Variants in ZBTB44 observed in about 807,000 individuals in gnomAD.
ZBTB44 encodes zinc finger and BTB domain containing 44.
Under a neutral mutation model 54.0 loss-of-function variants are expected in ZBTB44, and 15 were observed. The observed-to-expected ratio is 0.28, with a 90% confidence interval of 0.19 to 0.43. The LOEUF is 0.43. Among genes scored for constraint, ZBTB44 ranks in the 20% least tolerant of loss-of-function variants. The pLI is 1.00. For synonymous variants in ZBTB44, 230 were observed against 250.1 expected (o/e 0.92, Z 0.76); for missense variants, 487 against 707.1 (o/e 0.69, Z 3.53).
intron 2 of ZBTB44, among the ~76,000 whole-genome samples, chr11:130,256,281 G>C (rs1385632587): frequency 6.6e-6 from 1 of 152,192 alleles, no homozygotes; most frequent in African/African-American, 2.4e-5. Flanking sequence ...ACGCAAGGCT[G>C]GTTCAACACA....
chr11:130,236,561 T>A (rs997982445), intron 5 of ZBTB44: 1 of 403,800 alleles, frequency 2.5e-6, no homozygotes, highest in Non-Finnish European at 4.2e-6. Context: ...AGTCTACTTC[T>A]GCAGGAAAAT....
At chr11:130,283,035 CTTTTTTTTTTTTT>C (rs531030883) in intron 1 of ZBTB44, among the ~76,000 whole-genome samples, 1 of 102,384 alleles carries the variant, frequency 9.8e-6, no homozygotes, top group East Asian at 2.9e-4. Context: ...CCATTCTAAC[CTTTTTTTTTTTTT>C]TTTTTTTTTT....
chr11:130,254,107 TAAA>T (rs920876489), intron 2 of ZBTB44, among the ~76,000 whole-genome samples: 130 of 152,240 alleles, frequency 8.5e-4, no homozygotes, highest in African/African-American at 2.7e-3. Context: ...CCTAAAACCA[TAAA>T]AACCCTAGAA....
intron 1 of ZBTB44, among the ~76,000 whole-genome samples, chr11:130,283,306 A>G (rs1443780509): frequency 6.6e-6 from 1 of 152,008 alleles, no homozygotes; most frequent in East Asian, 1.9e-4. Context: ...TCGGCCTCCC[A>G]AAGTGCTGGG....
rs375863333 is a variant in ZBTB44 at position 130,236,990 on chromosome 11, G to A, written c.1371C>T (p.Cys457=). The change falls in exon 5 of 8, where the codon TGC becomes TGT. Residue 457 remains cysteine (C), a synonymous_variant. Coordinates refer to ENST00000357899, the MANE Select transcript of ZBTB44 (RefSeq NM_001301098.2). The part of the protein sequence containing the change: ...LKHEGKRCFR[C]QICSATFTSF... ...AAGTGAAAGTGGCACTACATATCTG[G>A]CACCGGAAACAGCGTTTACCTTCAT... is the stretch of plus-strand genomic sequence containing the variant. 2 of 1,612,392 alleles carry A rather than the reference G, an allele frequency of 1.2e-6. No individual in the cohort carries two copies. The highest frequency in any genetic ancestry group is 1.7e-6 in the Non-Finnish European group (2 of 1,179,236).
At chr11:130,238,786 G>C in intron 3 of ZBTB44, 179 bp from the exon 4 acceptor site, 1 of 677,512 alleles carries the variant, frequency 1.5e-6, no homozygotes, top group Non-Finnish European at 2.2e-6. Flanking sequence ...TGTCCAGAAT[G>C]CCTTTTGTTT....
At chr11:130,262,015 A>G (rs1283617878) in intron 1 of ZBTB44, 86 bp from the exon 2 acceptor site, 2 of 1,020,818 alleles carry the variant, frequency 2.0e-6, no homozygotes, top group Middle Eastern at 3.2e-4. Flanking sequence ...CCACTGTACT[A>G]AATTAAAAAG....
chr11:130,253,987 A>G (rs1938231976), intron 2 of ZBTB44, among the ~76,000 whole-genome samples: 1 of 152,246 alleles, frequency 6.6e-6, no homozygotes, highest in South Asian at 2.1e-4. Context: ...CTATTTAATA[A>G]ATGGTGCTGG....
At chr11:130,301,311 G>C (rs1160039055) in intron 1 of ZBTB44, among the ~76,000 whole-genome samples, 1 of 152,148 alleles carries the variant, frequency 6.6e-6, no homozygotes, top group Admixed American at 6.5e-5. Context: ...GCAGACTCCT[G>C]AGAGAAAAGA....
intron 1 of ZBTB44, among the ~76,000 whole-genome samples, chr11:130,312,151 A>C (rs1178578631): frequency 6.6e-6 from 1 of 152,222 alleles, no homozygotes; most frequent in Non-Finnish European, 1.5e-5. Context: ...TTAATGAAGG[A>C]AATCTCTTCC....
At chr11:130,305,058 G>A (rs1422694852) in intron 1 of ZBTB44, among the ~76,000 whole-genome samples, 1 of 152,140 alleles carries the variant, frequency 6.6e-6, no homozygotes, top group Non-Finnish European at 1.5e-5. Context: ...CCAAGGAGGT[G>A]AAAGATCTCT....
chr11:130,267,703 ACT>A (rs949169329), intron 1 of ZBTB44, among the ~76,000 whole-genome samples: 1 of 152,058 alleles, frequency 6.6e-6, no homozygotes, highest in African/African-American at 2.4e-5. Flanking sequence ...CTAGCAATCA[ACT>A]CTGATTTTGA....
At chr11:130,258,944 A>G (rs1414720370) in intron 2 of ZBTB44, among the ~76,000 whole-genome samples, 2 of 152,212 alleles carry the variant, frequency 1.3e-5, no homozygotes, top group African/African-American at 4.8e-5. Flanking sequence ...CCAGTAACAG[A>G]GAGCCAAATC....
At chr11:130,281,102 AAC>A (rs1297188796) in intron 1 of ZBTB44, among the ~76,000 whole-genome samples, 1 of 152,218 alleles carries the variant, frequency 6.6e-6, no homozygotes, top group Admixed American at 6.5e-5. Context: ...ACAAAAATGA[AAC>A]ACATCTACAT....
chr11:130,309,850 C>T (rs968978263), intron 1 of ZBTB44, among the ~76,000 whole-genome samples: 2 of 147,196 alleles, frequency 1.4e-5, no homozygotes, highest in African/African-American at 5.1e-5. Flanking sequence ...GAGCTGAGAT[C>T]GAGCCACTGC....
chr11:130,308,085 T>C (rs1942378292), intron 1 of ZBTB44, among the ~76,000 whole-genome samples: 1 of 152,206 alleles, frequency 6.6e-6, no homozygotes, highest in Non-Finnish European at 1.5e-5. Context: ...GATATACATA[T>C]ACTTTCCACT....
chr11:130,247,648 G>C (rs1937637384), intron 2 of ZBTB44, among the ~76,000 whole-genome samples: 1 of 152,176 alleles, frequency 6.6e-6, no homozygotes. Context: ...TGGAGGCCAA[G>C]TTCAGATCTC....
intron 1 of ZBTB44, among the ~76,000 whole-genome samples, chr11:130,268,982 CA>C (rs1351004262): frequency 1.3e-5 from 2 of 150,930 alleles, no homozygotes; most frequent in Non-Finnish European, 2.9e-5. Flanking sequence ...ATAAGTTAGC[CA>C]AGTCTCTTTA....
chr11:130,306,358 T>C (rs1051268149), intron 1 of ZBTB44, among the ~76,000 whole-genome samples: 1 of 151,938 alleles, frequency 6.6e-6, no homozygotes, highest in African/African-American at 2.4e-5. Flanking sequence ...CAAAATTAGC[T>C]GGGCGTGGTG....
Sources: allele counts gnomAD v4.1 joint callset (sites outside exome capture counted in the v4.1 genomes callset), GRCh38; gene constraint gnomAD v4.1.1; transcripts MANE v1.5; gene names NCBI Gene and HGNC (gene_info 2026-07-23, HGNC 2026-07-21).